Variants in BRD8 observed in about 807,000 individuals in gnomAD.
BRD8 encodes bromodomain-containing protein 8.
Under a neutral mutation model 143.1 loss-of-function variants are expected in BRD8, and 67 were observed. The observed-to-expected ratio is 0.47, with a 90% CI of 0.38 to 0.57. The LOEUF (loss-of-function observed/expected upper bound fraction) is 0.57, where lower values mean the gene tolerates loss of function less well. BRD8 is among the 20% of genes least tolerant of loss of function. The pLI is 0.00. For synonymous variants in BRD8, 505 were observed against 517.1 expected (o/e 0.98, Z 0.32); for missense variants, 1,103 against 1,503.0 (o/e 0.73, Z 4.40).
chr5:138,177,009 C>A (rs542352484), intron 2 of BRD8, among the ~76,000 whole-genome samples: 1 of 151,262 alleles, frequency 6.6e-6, no homozygotes, highest in South Asian at 2.1e-4. Context: ...ATCATTTGAG[C>A]CTGAGATATG....
chr5:138,168,185 T>A lies in BRD8; in HGVS notation c.643-107A>T. Reference sequence around the variant, plus strand: ...AAACTTCATGAAAACTAATAGCTAATATCCACAGAGAATAATTTAAGACCC... The same window carrying A: ...AAACTTCATGAAAACTAATAGCTAAAATCCACAGAGAATAATTTAAGACCC... On this transcript the variant is annotated intron_variant, in intron 8 of 26. Transcript: ENST00000254900. The A allele has an allele frequency of 7.6e-6, 6 of 786,362 alleles. No homozygotes were observed. The South Asian group carries it at 1.0e-4, about 13-fold the overall frequency. The allele number at this position is 786,362 out of a possible 1,614,324, so 48.7% of individuals were successfully genotyped here. A position where few individuals can be genotyped will look rare whatever the true frequency, so the allele number is the denominator to read the frequency against.
intron 25 of BRD8, 100 bp downstream of exon 25, chr5:138,145,077 T>G: frequency 1.5e-5 from 18 of 1,226,478 alleles, no homozygotes; most frequent in South Asian, 2.8e-5. Context: ...AAACATATCT[T>G]GAGTTTGTAA....
At chr5:138,175,635 T>C (rs1328580956) in intron 2 of BRD8, among the ~76,000 whole-genome samples, 1 of 150,318 alleles carries the variant, frequency 6.7e-6, no homozygotes, top group Non-Finnish European at 1.5e-5. Context: ...AGGCCAAGAG[T>C]TGGAGACCAG....
At chr5:138,172,251 G>A (rs375575274) in intron 2 of BRD8, 117 bp from the exon 3 acceptor site, 30 of 785,870 alleles carry the variant, frequency 3.8e-5, no homozygotes, top group Admixed American at 1.2e-4. Context: ...ATGGCCAGGC[G>A]CGGTGGCTCA....
chr5:138,172,051 G>C lies in BRD8; in HGVS notation c.186+14C>G. 1 of 1,611,460 alleles carries C rather than the reference G, an allele frequency of 6.2e-7. No homozygotes were observed. Among genetic ancestry groups the C allele is most frequent in the Non-Finnish European group, 8.5e-7 (1 of 1,177,732 alleles). ...CAAAGACTGCTCTAAAAGAGCCCTT[G>C]CTTGGGAACTTACTTTTTGAGAGAA... On this transcript the variant is annotated intron_variant, in intron 3 of 26. Transcript: ENST00000254900.
chr5:138,173,811 T>C (rs1481996479), intron 2 of BRD8, among the ~76,000 whole-genome samples: 1 of 152,186 alleles, frequency 6.6e-6, no homozygotes, highest in Non-Finnish European at 1.5e-5. Flanking sequence ...GCCTCCCGAG[T>C]AGCTGGAACT....
At chr5:138,167,912 T>C (rs111739014) in intron 9 of BRD8, 22 bp downstream of exon 9, 2 of 1,609,868 alleles carry the variant, frequency 1.2e-6, no homozygotes, top group African/African-American at 2.7e-5. Flanking sequence ...TTGAGGTTGA[T>C]AAAGGAAAAG....
At chr5:138,169,542 A>T (rs1287848618) in intron 7 of BRD8, among the ~76,000 whole-genome samples, 184 bp from the exon 8 acceptor site, 1 of 152,226 alleles carries the variant, frequency 6.6e-6, no homozygotes, top group Non-Finnish European at 1.5e-5. Context: ...AATTTTTCCT[A>T]AGGGCAATTC....
In BRD8 at chr5:138,171,415, T is replaced by TAAAA; in HGVS notation, c.187-9_187-6dup. 7.4e-6 allele frequency: 10 copies of TAAAA among 1,346,124 alleles called. No homozygotes were observed. Among genetic ancestry groups the TAAAA allele is most frequent in the Non-Finnish European group, 1.0e-5 (10 of 982,914 alleles). The allele number at this position is 1,346,124 out of a possible 1,614,324, so 83.4% of individuals were successfully genotyped here. On this transcript the variant is annotated splice_polypyrimidine_tract_variant and splice_region_variant and intron_variant, in intron 3 of 26. Transcript: ENST00000254900. ...CGAGTACTGGGAAGCACAATGCTATTAAAAAAAAAAAAAAAAGTGAAAATG... is the reference window on the plus strand; with the variant it reads ...CGAGTACTGGGAAGCACAATGCTATTAAAAAAAAAAAAAAAAAAAAGTGAAAATG...
chr5:138,174,809 C>T (rs1481150214), intron 2 of BRD8, among the ~76,000 whole-genome samples: 1 of 151,928 alleles, frequency 6.6e-6, no homozygotes, highest in Admixed American at 6.6e-5. Context: ...ATATCCTGAG[C>T]CTCTAATGTC....
chr5:138,173,044 T>C (rs559471265), intron 2 of BRD8, among the ~76,000 whole-genome samples: 2 of 152,300 alleles, frequency 1.3e-5, no homozygotes, highest in South Asian at 4.1e-4. Context: ...TTGAATCTTA[T>C]GACTTAGTAT....
At position 138,166,677 on chromosome 5, in the gene BRD8, T is replaced by A. The variant is rs751178100; in HGVS notation, c.838A>T (p.Thr280Ser). Residue 280 changes from threonine (T) to serine (S), a missense_variant, in exon 10 of 27, where the codon ACA (threonine) becomes TCA (serine). Thr to Ser is a moderately conservative substitution (Grantham distance 58). This residue lies in a region of BRD8 where 334 missense variants were observed against 372.5 expected (regional missense o/e 0.90). Coordinates refer to ENST00000254900, the MANE Select transcript of BRD8 (RefSeq NM_139199.2). ...ACAGTAGTGAAGGAAGCAAGAGGTG[T>A]GGTGAACTGTGTAGGACCAGCTTCT... ...LLEAGPTQFT[T>S]PLASFTTVAS... 1.2e-6 allele frequency: 2 copies of A among 1,613,852 alleles called. No homozygotes were observed. The highest frequency in any genetic ancestry group is 2.2e-5 in the South Asian group (2 of 91,036).
At chr5:138,170,737 A>C in intron 6 of BRD8, 95 bp downstream of exon 6, 1 of 1,190,394 alleles carries the variant, frequency 8.4e-7, no homozygotes. Context: ...TCTCAAGTCT[A>C]AAGGGACGGC....
At chr5:138,171,999 G>C (rs1048538979) in intron 3 of BRD8, 66 bp downstream of exon 3, 34 of 1,190,864 alleles carry the variant, frequency 2.9e-5, no homozygotes, top group Non-Finnish European at 4.0e-5. Context: ...AAAAGTCAGG[G>C]CCTGGTAGAG....
intron 24 of BRD8, 43 bp from the exon 25 acceptor site, chr5:138,145,288 A>C (rs1273040228): frequency 1.3e-6 from 2 of 1,585,508 alleles, no homozygotes; most frequent in African/African-American, 2.7e-5. Context: ...AACCCTGGCA[A>C]GGCACTCTGA....
Position 138,152,569 on chromosome 5 carries a change from T to C in BRD8, c.2769A>G (p.Glu923=). The change falls in exon 21 of 27, where the codon GAA becomes GAG. Residue 923 remains glutamate (E), a synonymous_variant. Transcript: ENST00000254900. The part of the protein sequence containing the change: ...EESSPEREPS[E]LLVGDGGSEE... ...CACTGCCTCCATCCCCAACAAGCAG[T>C]TCACTAGGTTCTCTCTCCGGGCTGC... The C allele has an allele frequency of 6.2e-7, 1 of 1,614,184 alleles. No homozygotes were observed. Among genetic ancestry groups the C allele is most frequent in the South Asian group, 1.1e-5 (1 of 91,076 alleles).
intron 22 of BRD8, 92 bp from the exon 23 acceptor site, chr5:138,149,889 A>G: frequency 8.4e-7 from 1 of 1,185,064 alleles, no homozygotes; most frequent in Non-Finnish European, 1.2e-6. Flanking sequence ...GCTGCCCTTA[A>G]GGTGAGAAGA....
intron 21 of BRD8, among the ~76,000 whole-genome samples, chr5:138,151,949 G>A (rs1235732340): frequency 5.9e-5 from 9 of 152,192 alleles, no homozygotes. Context: ...CCGCCTCTCA[G>A]GTTCAAGTGA....
At chr5:138,144,261 G>T (rs1348941497) in intron 25 of BRD8, among the ~76,000 whole-genome samples, 2 of 152,086 alleles carry the variant, frequency 1.3e-5, no homozygotes, top group Non-Finnish European at 2.9e-5. Flanking sequence ...CGCTGTGAAG[G>T]TCTGCAGCTT....
Sources: gnomAD v4.1 joint callset for allele counts (sites outside exome capture counted in the v4.1 genomes callset) on GRCh38, gnomAD v4.1.1 for gene constraint, gnomAD v4.1.1 regional missense constraint, MANE v1.5 for transcripts, NCBI Gene and HGNC (gene_info 2026-07-23, HGNC 2026-07-21) for gene names.